GPHN: variants seen among roughly 807,000 people sequenced by gnomAD.
GPHN encodes gephyrin.
GPHN carries 17 observed loss-of-function variants against 95.5 expected under a neutral mutation model. That is an observed-to-expected ratio of 0.18 (90% CI 0.12 to 0.27). The LOEUF (loss-of-function observed/expected upper bound fraction) is 0.27. Among genes scored for constraint, GPHN ranks in the 10% least tolerant of loss-of-function variants. GPHN has a pLI of 1.00. For missense variants in GPHN, 660 were observed against 978.1 expected (o/e 0.67, Z 4.34); for synonymous variants, 320 against 322.5 (o/e 0.99, Z 0.08).
chr14:67,695,703 T>C, the GPHN span: 3 of 1,613,960 alleles, frequency 1.9e-6, no homozygotes, highest in South Asian at 1.1e-5. Flanking sequence ...AGCTCAACCA[T>C]CTCTGCCGGC....
the GPHN span, among the ~76,000 whole-genome samples, chr14:67,352,036 G>A: frequency 4.6e-5 from 7 of 152,062 alleles, no homozygotes; most frequent in Admixed American, 3.3e-4. Context: ...TGTAATCCCA[G>A]TGCTTTGGAA....
At chr14:66,934,985 C>G (rs911364943) in intron 8 of GPHN, among the ~76,000 whole-genome samples, 2 of 151,964 alleles carry the variant, frequency 1.3e-5, no homozygotes, top group Non-Finnish European at 2.9e-5. Context: ...TTTCATATTT[C>G]AGTAAAAAAA....
At chr14:66,987,228 C>T (rs181515959) in intron 9 of GPHN, among the ~76,000 whole-genome samples, 2 of 152,094 alleles carry the variant, frequency 1.3e-5, no homozygotes, top group Admixed American at 1.3e-4. Flanking sequence ...GAAGATAAAT[C>T]CATTAATGGT....
intron 1 of GPHN, among the ~76,000 whole-genome samples, chr14:66,518,427 A>G (rs1393241225): frequency 6.6e-6 from 1 of 152,114 alleles, no homozygotes; most frequent in Admixed American, 6.5e-5. Context: ...AGAACAGTAT[A>G]GAGGTTCTTT....
At chr14:67,225,001 A>G in the GPHN span, 1 of 798,138 alleles carries the variant, frequency 1.3e-6, no homozygotes, top group Non-Finnish European at 1.9e-6. Flanking sequence ...ATTCAAAATA[A>G]GCTCTTTCTC....
chr14:66,865,430 AAAG>A (rs1167370273), intron 4 of GPHN, among the ~76,000 whole-genome samples: 2 of 152,148 alleles, frequency 1.3e-5, no homozygotes, highest in Admixed American at 6.5e-5. Context: ...TAAATTATTC[AAAG>A]AAGATTACAA....
At chr14:67,725,802 T>C in the GPHN span, among the ~76,000 whole-genome samples, 2 of 152,178 alleles carry the variant, frequency 1.3e-5, no homozygotes, top group African/African-American at 4.8e-5. Context: ...GTAACTAAAA[T>C]TACTCATTAG....
intron 4 of GPHN, among the ~76,000 whole-genome samples, chr14:66,878,354 A>C (rs956467778): frequency 1.3e-5 from 2 of 152,204 alleles, no homozygotes; most frequent in African/African-American, 4.8e-5. Context: ...ACAAAAGCCA[A>C]AATTGACAAA....
At chr14:67,332,467 T>C in the GPHN span, among the ~76,000 whole-genome samples, 7 of 152,320 alleles carry the variant, frequency 4.6e-5, no homozygotes, top group Middle Eastern at 3.4e-3. Context: ...AAAACAAATG[T>C]TTGTAGGGAA....
intron 2 of GPHN, among the ~76,000 whole-genome samples, chr14:66,750,396 C>A (rs755030934): frequency 2.0e-5 from 3 of 151,814 alleles, no homozygotes; most frequent in Admixed American, 6.6e-5. Context: ...TACTAAAAAT[C>A]AGACTTATAA....
the GPHN span, among the ~76,000 whole-genome samples, chr14:67,672,047 T>C: frequency 6.6e-6 from 1 of 152,246 alleles, no homozygotes; most frequent in Admixed American, 6.5e-5. Context: ...AAAGCAATGT[T>C]CTTTTGCATT....
rs1465635529 is a variant in GPHN at position 66,870,032 on chromosome 14, G to A, written c.295-9907G>A. 2.6e-5 allele frequency among the ~76,000 whole-genome samples: 4 copies of A among 152,104 alleles called. No homozygotes were observed. In the East Asian group the frequency reaches 7.7e-4, roughly 29 times the overall value. On this transcript the variant is annotated intron_variant, in intron 4 of 22. Transcript: ENST00000478722. ...AATAGATCCAGCTCCTATTGTTATT[G>A]CCCTTAACTGTGTAATGTCATTTTC...
chr14:67,100,489 A>G (rs1567331293), intron 12 of GPHN, among the ~76,000 whole-genome samples: 1 of 152,244 alleles, frequency 6.6e-6, no homozygotes. Flanking sequence ...ACACACACAC[A>G]TCACACATAC....
intron 4 of GPHN, among the ~76,000 whole-genome samples, chr14:66,840,265 C>T (rs780203791): frequency 1.3e-5 from 2 of 151,786 alleles, no homozygotes; most frequent in African/African-American, 2.4e-5. Context: ...GGTAACAGAG[C>T]GAGACACTGT....
At chr14:67,091,985 G>A (rs1302831061) in intron 12 of GPHN, among the ~76,000 whole-genome samples, 3 of 151,938 alleles carry the variant, frequency 2.0e-5, no homozygotes, top group Non-Finnish European at 2.9e-5. Flanking sequence ...ATATAAGAGC[G>A]ACATAAGTGA....
At chr14:67,218,597 G>C in the GPHN span, among the ~76,000 whole-genome samples, 1 of 152,144 alleles carries the variant, frequency 6.6e-6, no homozygotes, top group South Asian at 2.1e-4. Context: ...GGGCATGTCC[G>C]TCAGGAGCAA....
At chr14:66,673,664 T>C (rs2066425386) in intron 1 of GPHN, among the ~76,000 whole-genome samples, 1 of 152,244 alleles carries the variant, frequency 6.6e-6, no homozygotes, top group Non-Finnish European at 1.5e-5. Context: ...ATTTTTACTT[T>C]ACCTTCATTT....
chr14:66,672,293 G>T (rs2066341469), intron 1 of GPHN, among the ~76,000 whole-genome samples: 1 of 152,096 alleles, frequency 6.6e-6, no homozygotes, highest in Non-Finnish European at 1.5e-5. Context: ...GTTATGGTCT[G>T]AGAGCCAACA....
At chr14:66,561,968 A>G (rs1321114771) in intron 1 of GPHN, among the ~76,000 whole-genome samples, 4 of 152,086 alleles carry the variant, frequency 2.6e-5, no homozygotes, top group African/African-American at 9.7e-5. Flanking sequence ...AAAGCCAACA[A>G]TGATGGGTTG....
Sources: gnomAD v4.1 joint callset for allele counts (sites outside exome capture counted in the v4.1 genomes callset) on GRCh38, gnomAD v4.1.1 for gene constraint, MANE v1.5 for transcripts, NCBI Gene and HGNC (gene_info 2026-07-23, HGNC 2026-07-21) for gene names.